The following SETD5 variants were observed in gnomAD, a reference collection of about 807,000 sequenced individuals.
SETD5 encodes the protein histone-lysine N-methyltransferase SETD5.
In SETD5, 44 loss-of-function variants were observed where a neutral mutation model predicts 153.3. The ratio of observed to expected loss-of-function variants is 0.29; its 90% CI spans 0.23 to 0.37. SETD5 has a LOEUF of 0.37. SETD5 is among the 10% of genes least tolerant of loss of function. SETD5 has a pLI of 1.00. For synonymous variants in SETD5, 716 were observed against 645.2 expected (o/e 1.11, Z -1.66); for missense variants, 1,544 against 1,768.0 (o/e 0.87, Z 2.27).
intron 1 of SETD5, among the ~76,000 whole-genome samples, chr3:9,403,751 A>G (rs141490454): frequency 6.6e-6 from 1 of 152,206 alleles, no homozygotes; most frequent in African/African-American, 2.4e-5. Flanking sequence ...ACTTAGTATG[A>G]ATCATAGAGT....
intron 1 of SETD5, among the ~76,000 whole-genome samples, chr3:9,403,047 G>A (rs1229888713): frequency 2.0e-5 from 3 of 152,168 alleles, no homozygotes; most frequent in Non-Finnish European, 2.9e-5. Flanking sequence ...TGCACAGCAG[G>A]GAGGCAATGT....
In SETD5 at chr3:9,424,461, T is replaced by G. The variant is rs1290780725; in HGVS notation, c.-176-6T>G. 1 of 152,254 alleles carries G rather than the reference T, an allele frequency of 6.6e-6. No homozygotes were observed. Among genetic ancestry groups the G allele is most frequent in the African/African-American group, 2.4e-5 (1 of 41,468 alleles). The allele number at this position is 152,254 out of a possible 1,614,324, so 9.4% of individuals were successfully genotyped here. A position where few individuals can be genotyped will look rare whatever the true frequency, so the allele number is the denominator to read the frequency against. Reference sequence around the variant, plus strand: ...CTGTACTAATTTTTGTCTCAACTTTTTCTAGGTCTTCAGAACTACTAGCAG... The same window carrying G: ...CTGTACTAATTTTTGTCTCAACTTTGTCTAGGTCTTCAGAACTACTAGCAG... On this transcript the variant is annotated splice_polypyrimidine_tract_variant and splice_region_variant and intron_variant, in intron 1 of 22. Transcript: ENST00000402198.
intron 17 of SETD5, among the ~76,000 whole-genome samples, chr3:9,456,459 G>A (rs62246311): frequency 0.075 from 11,150 of 149,404 alleles, 543 homozygotes; most frequent in Middle Eastern, 0.12. Flanking sequence ...GGTGACGGAG[G>A]GAGATTCTGT....
At chr3:9,405,557 T>C (rs939706144) in intron 1 of SETD5, among the ~76,000 whole-genome samples, 1 of 152,222 alleles carries the variant, frequency 6.6e-6, no homozygotes, top group African/African-American at 2.4e-5. Flanking sequence ...CTTTCAATGG[T>C]GAGATTTTCG....
At chr3:9,420,679 T>C (rs539422060) in intron 1 of SETD5, among the ~76,000 whole-genome samples, 1 of 152,346 alleles carries the variant, frequency 6.6e-6, no homozygotes, top group Admixed American at 6.5e-5. Context: ...TAAAATTCTT[T>C]GCTTGCATTA....
chr3:9,473,358 C>T lies in SETD5; in HGVS notation c.3318C>T (p.Ser1106=), dbSNP rs375375084. Residue 1106 remains serine, a synonymous_variant, in exon 20 of 23, where the codon TCC becomes TCT. Transcript: ENST00000402198. ...GAGCTGGGCAAGGCAGCAGTAACTCCGTTTCCGACACTGGTGCCCATGGTG... is the reference window on the plus strand; with the variant it reads ...GAGCTGGGCAAGGCAGCAGTAACTCTGTTTCCGACACTGGTGCCCATGGTG... ...SAGAGQGSSN[S]VSDTGAHGVQ... is the part of the protein sequence containing the mutation. 1.7e-5 allele frequency: 27 copies of T among 1,613,926 alleles called. No homozygotes were observed. The East Asian group carries it at 2.7e-4, about 16-fold the overall frequency.
intron 7 of SETD5, among the ~76,000 whole-genome samples, chr3:9,438,844 T>C (rs113108825): frequency 2.7e-4 from 41 of 152,208 alleles, no homozygotes; most frequent in African/African-American, 9.2e-4. Flanking sequence ...CCGGTAACAC[T>C]CATACACTCA....
At chr3:9,400,256 T>G (rs912022566) in intron 1 of SETD5, among the ~76,000 whole-genome samples, 2 of 152,244 alleles carry the variant, frequency 1.3e-5, no homozygotes, top group African/African-American at 4.8e-5. Context: ...TTTTGGCAGA[T>G]TTTTGTTTTT....
chr3:9,452,733 A>G (rs947153391), intron 16 of SETD5, among the ~76,000 whole-genome samples: 7 of 136,502 alleles, frequency 5.1e-5, no homozygotes, highest in Admixed American at 3.4e-4. Context: ...GGGAAAATCT[A>G]TGAGAATTGC....
At chr3:9,408,560 G>A (rs879504901) in intron 1 of SETD5, among the ~76,000 whole-genome samples, 5 of 152,030 alleles carry the variant, frequency 3.3e-5, no homozygotes, top group Non-Finnish European at 5.9e-5. Context: ...TGTGGAGTTC[G>A]TACTCTGGAT....
intron 19 of SETD5, among the ~76,000 whole-genome samples, chr3:9,471,519 G>C (rs1415430348): frequency 6.6e-6 from 1 of 152,212 alleles, no homozygotes; most frequent in Non-Finnish European, 1.5e-5. Context: ...CCATTGGCCA[G>C]GCAGCAGGCA....
rs2040070995 is a variant in SETD5 at position 9,432,412 on chromosome 3, C to T, written c.72-1433C>T. On this transcript the variant is annotated intron_variant, in intron 3 of 22. Coordinates refer to ENST00000402198, the MANE Select transcript of SETD5 (RefSeq NM_001080517.3). The stretch of plus-strand genomic sequence containing the variant: ...ACATTGAACTGCACACTTATTCCTG[C>T]TGTACTATATATTGTATATCTTTAA... 6 of 364,382 alleles carry T rather than the reference C, an allele frequency of 1.6e-5. No homozygotes were observed. The Admixed American group carries it at 3.9e-4, about 24-fold the overall frequency. The allele number at this position is 364,382 out of a possible 1,614,324, so 22.6% of individuals were successfully genotyped here.
chr3:9,435,214 G>C (rs1473663914), intron 6 of SETD5, among the ~76,000 whole-genome samples: 1 of 135,636 alleles, frequency 7.4e-6, no homozygotes. Context: ...GTGCACTCCA[G>C]CCTGGGCAAC....
intron 20 of SETD5, 95 bp downstream of exon 20, chr3:9,473,632 A>C (rs764173955): frequency 7.9e-7 from 1 of 1,265,040 alleles, no homozygotes; most frequent in Non-Finnish European, 1.1e-6. Context: ...CTATGGGAAC[A>C]CTTGATGGGA....
At chr3:9,458,967 T>G (rs905494804) in intron 17 of SETD5, among the ~76,000 whole-genome samples, 3 of 152,150 alleles carry the variant, frequency 2.0e-5, no homozygotes, top group African/African-American at 7.2e-5. Context: ...ACCACTGCAA[T>G]CAACACATTT....
intron 1 of SETD5, among the ~76,000 whole-genome samples, chr3:9,401,810 T>C (rs1231639696): frequency 6.6e-6 from 1 of 152,246 alleles, no homozygotes; most frequent in Non-Finnish European, 1.5e-5. Context: ...GTGAATTTTA[T>C]TTATAAAAAT....
At chr3:9,439,009 G>A (rs371355930) in intron 7 of SETD5, among the ~76,000 whole-genome samples, 6 of 152,256 alleles carry the variant, frequency 3.9e-5, no homozygotes, top group African/African-American at 9.6e-5. Context: ...TGAGATTAGC[G>A]AACAATGGCT....
intron 11 of SETD5, among the ~76,000 whole-genome samples, chr3:9,444,333 G>A (rs2041675479): frequency 6.6e-6 from 1 of 152,128 alleles, no homozygotes; most frequent in Non-Finnish European, 1.5e-5. Flanking sequence ...GAAAAAAGAT[G>A]TTCTGCTTAA....
At chr3:9,404,791 G>A (rs2035398439) in intron 1 of SETD5, among the ~76,000 whole-genome samples, 2 of 152,168 alleles carry the variant, frequency 1.3e-5, no homozygotes, top group Non-Finnish European at 2.9e-5. Context: ...GAGACAGTAA[G>A]GGACCACATT....
Sources: allele counts gnomAD v4.1 joint callset (sites outside exome capture counted in the v4.1 genomes callset), GRCh38; gene constraint gnomAD v4.1.1; transcripts MANE v1.5; gene names NCBI Gene and HGNC (gene_info 2026-07-23, HGNC 2026-07-21).